The following PPFIA2 variants were observed in gnomAD, a reference collection of about 807,000 sequenced individuals.
PPFIA2 encodes the protein liprin-alpha-2.
A neutral mutation model predicts 175.5 loss-of-function variants in PPFIA2; 46 were observed. That is an observed-to-expected ratio of 0.26 (90% CI 0.21 to 0.34). PPFIA2 has a LOEUF of 0.34. Among genes scored for constraint, PPFIA2 ranks in the 10% least tolerant of loss-of-function variants. The pLI, the probability that PPFIA2 is intolerant of heterozygous loss-of-function variation, is 1.00. For missense variants in PPFIA2, 1,179 were observed against 1,506.1 expected (o/e 0.78, Z 3.60); for synonymous variants, 568 against 511.4 (o/e 1.11, Z -1.49).
chr12:81,406,035 A>T, intron 7 of PPFIA2, 132 bp from the exon 8 acceptor site: 2 of 532,100 alleles, frequency 3.8e-6, no homozygotes, highest in Non-Finnish European at 6.6e-6. Context: ...ATTACATTTT[A>T]CTGAATTATT....
intron 3 of PPFIA2, among the ~76,000 whole-genome samples, chr12:81,734,370 A>G (rs1484873630): frequency 1.3e-5 from 2 of 151,874 alleles, no homozygotes; most frequent in Non-Finnish European, 2.9e-5. Flanking sequence ...TAAGCAAGCC[A>G]TCATTAATAA....
intron 4 of PPFIA2, among the ~76,000 whole-genome samples, chr12:81,531,732 G>A (rs980852916): frequency 6.6e-6 from 1 of 151,198 alleles, no homozygotes; most frequent in African/African-American, 2.4e-5. Flanking sequence ...GTAATGAGGA[G>A]GTTTTAAAGA....
intron 3 of PPFIA2, among the ~76,000 whole-genome samples, chr12:81,712,290 T>C (rs964942569): frequency 3.3e-5 from 5 of 151,390 alleles, no homozygotes; most frequent in Admixed American, 2.7e-4. Flanking sequence ...TTTATAAATT[T>C]GAATGTTGAG....
At chr12:81,386,848 T>C (rs2039083003) in intron 8 of PPFIA2, among the ~76,000 whole-genome samples, 1 of 152,164 alleles carries the variant, frequency 6.6e-6, no homozygotes, top group South Asian at 2.1e-4. Context: ...TGTTTCAACA[T>C]GATAGATATA....
intron 22 of PPFIA2, among the ~76,000 whole-genome samples, chr12:81,319,248 C>G (rs1336027299): frequency 1.3e-5 from 2 of 151,690 alleles, no homozygotes; most frequent in Admixed American, 1.3e-4. Flanking sequence ...TCAAATATAT[C>G]TAAATATATC....
At chr12:81,391,056 A>T (rs2040020706) in intron 8 of PPFIA2, among the ~76,000 whole-genome samples, 1 of 151,966 alleles carries the variant, frequency 6.6e-6, no homozygotes, top group South Asian at 2.1e-4. Context: ...TTAAAAGGTG[A>T]TAATACTTTT....
chr12:81,711,566 A>T (rs756447117), intron 3 of PPFIA2, among the ~76,000 whole-genome samples: 10 of 151,404 alleles, frequency 6.6e-5, no homozygotes, highest in Admixed American at 1.3e-4. Flanking sequence ...TAGTAATAAC[A>T]CCTGTATACC....
chr12:81,587,812 G>C (rs1240802054), intron 4 of PPFIA2, among the ~76,000 whole-genome samples: 1 of 151,954 alleles, frequency 6.6e-6, no homozygotes, highest in Non-Finnish European at 1.5e-5. Context: ...TAAGATCCTT[G>C]AGTGCAGAGG....
intron 4 of PPFIA2, among the ~76,000 whole-genome samples, chr12:81,572,037 C>A (rs925224988): frequency 2.6e-5 from 4 of 151,986 alleles, no homozygotes; most frequent in Admixed American, 2.6e-4. Flanking sequence ...TTTAGGGTAT[C>A]CCCCAGGACA....
At chr12:81,483,181 T>C (rs1249053334) in intron 4 of PPFIA2, among the ~76,000 whole-genome samples, 1 of 152,142 alleles carries the variant, frequency 6.6e-6, no homozygotes, top group Non-Finnish European at 1.5e-5. Context: ...AGTTACCATA[T>C]AACCTAGCAA....
At chr12:81,406,244 T>C (rs1284035975) in intron 7 of PPFIA2, among the ~76,000 whole-genome samples, 2 of 152,166 alleles carry the variant, frequency 1.3e-5, no homozygotes, top group Non-Finnish European at 2.9e-5. Flanking sequence ...AATTAATTTG[T>C]AGGATGTAAT....
At chr12:81,635,764 A>G (rs964535494) in intron 4 of PPFIA2, among the ~76,000 whole-genome samples, 14 of 152,184 alleles carry the variant, frequency 9.2e-5, no homozygotes, top group Non-Finnish European at 1.9e-4. Flanking sequence ...TAGATTGCCT[A>G]TAACCTAGCC....
intron 8 of PPFIA2, among the ~76,000 whole-genome samples, chr12:81,391,274 T>C (rs757466577): frequency 3.8e-4 from 57 of 151,914 alleles, no homozygotes; most frequent in Non-Finnish European, 1.5e-4. Flanking sequence ...GGGGAGTACT[T>C]ATTCTAGGAG....
intron 4 of PPFIA2, chr12:81,512,376 G>A: frequency 1.6e-6 from 2 of 1,287,334 alleles, no homozygotes; most frequent in Non-Finnish European, 2.0e-6. Context: ...TACATTCTCT[G>A]AGCATTCTAC....
At chr12:81,674,755 C>A (rs928727978) in intron 4 of PPFIA2, among the ~76,000 whole-genome samples, 1 of 151,998 alleles carries the variant, frequency 6.6e-6, no homozygotes, top group African/African-American at 2.4e-5. Context: ...ATCTGACTTT[C>A]AGTTTTCTAA....
chr12:81,487,258 C>G (rs2058933823), intron 4 of PPFIA2, among the ~76,000 whole-genome samples: 3 of 151,862 alleles, frequency 2.0e-5, no homozygotes, highest in Non-Finnish European at 4.4e-5. Context: ...GTCTCCAGCT[C>G]TCGAAGCAAC....
At chr12:81,365,226 T>A (rs1364758150) in intron 14 of PPFIA2, among the ~76,000 whole-genome samples, 1 of 151,818 alleles carries the variant, frequency 6.6e-6, no homozygotes, top group African/African-American at 2.4e-5. Flanking sequence ...AGTTTGAGCC[T>A]ACAGAGGGTT....
chr12:81,433,092 T>C (rs1039932828), intron 7 of PPFIA2, among the ~76,000 whole-genome samples: 1 of 151,846 alleles, frequency 6.6e-6, no homozygotes, highest in Non-Finnish European at 1.5e-5. Flanking sequence ...AAGCATAAAA[T>C]CTACAAATTT....
intron 3 of PPFIA2, among the ~76,000 whole-genome samples, chr12:81,729,315 T>TA (rs1245222913): frequency 2.6e-5 from 4 of 151,536 alleles, no homozygotes; most frequent in African/African-American, 9.7e-5. Context: ...TCATAAATGA[T>TA]AAAACATTCA....
Sources: gnomAD v4.1 joint callset for allele counts (sites outside exome capture counted in the v4.1 genomes callset) on GRCh38, gnomAD v4.1.1 for gene constraint, MANE v1.5 for transcripts, NCBI Gene and HGNC (gene_info 2026-07-23, HGNC 2026-07-21) for gene names.